BTBD1: variants seen among roughly 807,000 people sequenced by gnomAD.
BTBD1 encodes BTB domain containing 1.
A neutral mutation model predicts 48.0 loss-of-function variants in BTBD1; 34 were observed. The ratio of observed to expected loss-of-function variants is 0.71; its 90% CI spans 0.54 to 0.94. BTBD1 has a LOEUF of 0.94. Among genes scored for constraint, BTBD1 ranks in the 40% least tolerant of loss-of-function variants. BTBD1 has a pLI of 0.00. For missense variants in BTBD1, 543 were observed against 625.6 expected, an observed-to-expected ratio of 0.87 and a Z score of 1.41; for synonymous variants, 261 against 242.1, an observed-to-expected ratio of 1.08 and a Z score of -0.72.
At chr15:83,045,866 A>C (rs144855641) in intron 3 of BTBD1, among the ~76,000 whole-genome samples, 5 of 152,206 alleles carry the variant, frequency 3.3e-5, no homozygotes, top group African/African-American at 1.2e-4. Context: ...TAAACACATA[A>C]ACTTTATTAC....
chr15:83,044,335 C>T (rs2032827699), intron 3 of BTBD1: 5 of 1,287,802 alleles, frequency 3.9e-6, no homozygotes, highest in Non-Finnish European at 5.5e-6. Flanking sequence ...CGACGGCAAC[C>T]CTGCTCTGCA....
At chr15:83,028,473 T>C (rs534971581) in intron 5 of BTBD1, 73 of 152,324 alleles carry the variant, frequency 4.8e-4, no homozygotes, top group African/African-American at 1.7e-3. Flanking sequence ...TTCTTCTTTA[T>C]ATTGAGATTG....
chr15:83,053,749 C>G (rs2033034302), intron 2 of BTBD1, among the ~76,000 whole-genome samples: 1 of 152,200 alleles, frequency 6.6e-6, no homozygotes, highest in African/African-American at 2.4e-5. Flanking sequence ...GGTCAAGTTA[C>G]TTCACCTCTC....
chr15:83,050,412 CCT>C (rs1407639353), intron 2 of BTBD1, among the ~76,000 whole-genome samples: 2 of 146,540 alleles, frequency 1.4e-5, no homozygotes, highest in East Asian at 3.9e-4. Flanking sequence ...CAATACCAAT[CCT>C]GTTATTTTTA....
chr15:83,055,030 T>C (rs2033059265), intron 2 of BTBD1, among the ~76,000 whole-genome samples: 1 of 152,178 alleles, frequency 6.6e-6, no homozygotes, highest in Non-Finnish European at 1.5e-5. Context: ...CAATAATTAT[T>C]TCCAGTACTA....
At chr15:83,034,298 A>T (rs1479955862) in intron 4 of BTBD1, among the ~76,000 whole-genome samples, 1 of 152,180 alleles carries the variant, frequency 6.6e-6, no homozygotes, top group African/African-American at 2.4e-5. Flanking sequence ...AACCTTGAGA[A>T]ACTATACCAA....
Position 83,018,172 on chromosome 15 carries a change from T to A in BTBD1, c.1344A>T (p.Thr448=). 1 of 1,612,620 alleles carries A rather than the reference T, an allele frequency of 6.2e-7. No homozygotes were observed. The highest frequency in any genetic ancestry group is 1.1e-5 in the South Asian group (1 of 90,804). ...AAAAAACAGTCTTGCTTGCAGCAGG[T>A]GTCTCATGCACTACTTTCTTCAATC... ...TKGLKKVVHE[T]PAASKTVFFF... is the part of the protein sequence containing the mutation. The change falls in exon 8 of 8, where the codon ACA becomes ACT. Residue 448 remains threonine (T), a synonymous_variant. Coordinates refer to ENST00000261721, the MANE Select transcript of BTBD1 (RefSeq NM_025238.4).
Position 83,056,418 on chromosome 15 carries a change from C to A in BTBD1, c.529G>T (p.Ala177Ser), listed in dbSNP as rs202187768. 3 of 1,613,496 alleles carry A rather than the reference C, an allele frequency of 1.9e-6. No homozygotes were observed. In the African/African-American group the frequency reaches 4.0e-5, roughly 22 times the overall value. ...GTAAGTAACATAAAGGCATTATCTG[C>A]CCTAAGATGTTTGGTGAGAAATTCT... ...CVEFLTKHLR[A>S]DNAFMLLTQA... Residue 177 changes from alanine (A) to serine (S), a missense_variant, in exon 2 of 8, where the codon GCA becomes TCA. By Grantham distance (99) the Ala-to-Ser change is moderately conservative. Coordinates refer to ENST00000261721, the MANE Select transcript of BTBD1 (RefSeq NM_025238.4).
At chr15:83,059,126 C>A (rs1170317130) in intron 1 of BTBD1, among the ~76,000 whole-genome samples, 1 of 152,178 alleles carries the variant, frequency 6.6e-6, no homozygotes, top group Non-Finnish European at 1.5e-5. Context: ...GGGATCTCAT[C>A]AGGATTTTTT....
intron 3 of BTBD1, among the ~76,000 whole-genome samples, chr15:83,049,612 T>C (rs1255728980): frequency 2.6e-5 from 4 of 152,146 alleles, no homozygotes. Flanking sequence ...TTATTTTAAG[T>C]TCAGGGGTAC....
At chr15:83,044,126 T>TA (rs976494754) in intron 3 of BTBD1, among the ~76,000 whole-genome samples, 9 of 152,172 alleles carry the variant, frequency 5.9e-5, no homozygotes, top group South Asian at 2.1e-4. Context: ...TAGAGTTTTT[T>TA]AAAAAAACAA....
intron 1 of BTBD1, among the ~76,000 whole-genome samples, chr15:83,060,695 A>C (rs2033162513): frequency 6.6e-6 from 1 of 152,142 alleles, no homozygotes; most frequent in Non-Finnish European, 1.5e-5. Flanking sequence ...TCGGGAGGCT[A>C]AGCCAGGAGA....
intron 4 of BTBD1, among the ~76,000 whole-genome samples, chr15:83,041,068 A>T (rs147247683): frequency 0.011 from 1,621 of 149,598 alleles, 26 homozygotes; most frequent in African/African-American, 0.038. Flanking sequence ...GGGAGGATTG[A>T]TTGAGCCTGG....
At chr15:83,040,022 C>A (rs2032719144) in intron 4 of BTBD1, among the ~76,000 whole-genome samples, 1 of 151,070 alleles carries the variant, frequency 6.6e-6, no homozygotes, top group African/African-American at 2.5e-5. Context: ...CACACGGACA[C>A]ACACACACCA....
At position 83,020,933 on chromosome 15, in the gene BTBD1, G is replaced by A. The variant is rs934243161; in HGVS notation, c.1056-171C>T. On this transcript the variant is annotated intron_variant, in intron 5 of 7. Coordinates refer to ENST00000261721, the MANE Select transcript of BTBD1 (RefSeq NM_025238.4). The stretch of plus-strand genomic sequence containing the variant: ...TGTTTGCTTACCAAAAAGCTTTCTA[G>A]AGCAGATTTGAACTTAAGAGGAACC... 21 of 504,882 alleles carry A rather than the reference G, an allele frequency of 4.2e-5. No individual in the cohort carries two copies. The East Asian group carries it at 6.7e-4, about 16-fold the overall frequency. The allele number at this position is 504,882 out of a possible 1,614,324, so 31.3% of individuals were successfully genotyped here. A position where few individuals can be genotyped will look rare whatever the true frequency, so the allele number is the denominator to read the frequency against.
chr15:83,024,292 T>C (rs1389288154), intron 5 of BTBD1: 1 of 152,256 alleles, frequency 6.6e-6, no homozygotes, highest in Non-Finnish European at 1.5e-5. Context: ...GATGTGTTTG[T>C]CTTTTTAATG....
intron 2 of BTBD1, among the ~76,000 whole-genome samples, chr15:83,052,732 A>C (rs188372105): frequency 0.023 from 3,325 of 144,750 alleles, 59 homozygotes; most frequent in Middle Eastern, 0.041. Flanking sequence ...CCGGGTTCAC[A>C]CCATTCTACT....
chr15:83,066,792 C>T lies in BTBD1; in HGVS notation c.360G>A (p.Glu120=). Residue 120 remains glutamate, a synonymous_variant, in exon 1 of 8, where the codon GAG becomes GAA. Transcript: ENST00000261721. ...AGGCTGCGGGCTCCACGTCCGGCAG[C>T]TCGATCTCGGCCGACGTGGTGGCCA... ...GGMATTSAEI[E]LPDVEPAAFL... is the part of the protein sequence containing the mutation. 3 of 1,438,628 alleles carry T rather than the reference C, an allele frequency of 2.1e-6. No homozygotes were observed. Among genetic ancestry groups the T allele is most frequent in the African/African-American group, 3.0e-5 (2 of 66,772 alleles). 89.1% of individuals were successfully genotyped at this position (1,438,628 alleles called of 1,614,324 possible).
At chr15:83,018,340 T>C in intron 7 of BTBD1, 115 bp from the exon 8 acceptor site, 1 of 893,252 alleles carries the variant, frequency 1.1e-6, no homozygotes. Context: ...CTATATAAAA[T>C]TTTATGCTGT....
Sources: allele counts gnomAD v4.1 joint callset (sites outside exome capture counted in the v4.1 genomes callset), GRCh38; gene constraint gnomAD v4.1.1; transcripts MANE v1.5; gene names NCBI Gene and HGNC (gene_info 2026-07-23, HGNC 2026-07-21).